CLCN1: variants seen among roughly 807,000 people sequenced by gnomAD.
CLCN1 encodes chloride voltage-gated channel 1.
In CLCN1, 100 loss-of-function variants were observed where a neutral mutation model predicts 114.5. The observed-to-expected ratio is 0.87, with a 90% CI of 0.74 to 1.03. The LOEUF is 1.03. Ranked by LOEUF, CLCN1 falls within the 50% of genes least tolerant of loss-of-function variation. The pLI is 0.00. For synonymous variants in CLCN1, 485 were observed against 487.1 expected (o/e 1.00, Z 0.06); for missense variants, 1,188 against 1,250.0 (o/e 0.95, Z 0.75).
intron 10 of CLCN1, 36 bp from the exon 11 acceptor site, chr7:143,332,383 G>A: frequency 2.0e-6 from 3 of 1,520,188 alleles, no homozygotes; most frequent in South Asian, 1.1e-5. Flanking sequence ...CTGTGAGTTG[G>A]CTGAATTGTG....
rs1194183048 is a variant in CLCN1, at chr7:143,319,811, C to T, written c.237C>T (p.Pro79=). Residue 79 remains proline, a synonymous_variant, in exon 2 of 23, where the codon CCC becomes CCT. Coordinates refer to ENST00000343257, the MANE Select transcript of CLCN1 (RefSeq NM_000083.3). ...FSDREQDIGM[P]KKTGSSSTVD... Reference sequence around the variant, plus strand: ...ACAGGGAGCAGGACATAGGGATGCCCAAGAAGACAGGCTCCAGTTCTACCG... The same window carrying T: ...ACAGGGAGCAGGACATAGGGATGCCTAAGAAGACAGGCTCCAGTTCTACCG... 1.2e-6 allele frequency: 2 copies of T among 1,613,500 alleles called. No individual in the cohort carries two copies. Among genetic ancestry groups the T allele is most frequent in the East Asian group, 4.5e-5 (2 of 44,904 alleles).
chr7:143,330,784 G>A lies in CLCN1; in HGVS notation c.866G>A (p.Ser289Asn), dbSNP rs1802700072. 1 of 1,614,152 alleles carries A rather than the reference G, an allele frequency of 6.2e-7. No individual in the cohort carries two copies. The highest frequency in any genetic ancestry group is 8.5e-7 in the Non-Finnish European group (1 of 1,180,026). Residue 289 changes from serine (S) to asparagine (N), a missense_variant, in exon 8 of 23, where the codon AGC becomes AAC. By Grantham distance (46) the Ser-to-Asn change is conservative. Coordinates refer to ENST00000343257, the MANE Select transcript of CLCN1 (RefSeq NM_000083.3). ...FGTPLGGVLF[S>N]IEVTSTYFAV... is the part of the protein sequence containing the mutation. Reference sequence around the variant, plus strand: ...TGTGCCCCTGCAGGAGTGCTATTTAGCATCGAGGTCACCTCCACCTACTTT... The same window carrying A: ...TGTGCCCCTGCAGGAGTGCTATTTAACATCGAGGTCACCTCCACCTACTTT...
chr7:143,330,441 T>C (rs1802691220), intron 7 of CLCN1, among the ~76,000 whole-genome samples: 1 of 152,124 alleles, frequency 6.6e-6, no homozygotes, highest in South Asian at 2.1e-4. Context: ...TCCCTGTGGG[T>C]ATCTGACAGT....
chr7:143,336,503 G>A (rs1206209719), intron 12 of CLCN1, among the ~76,000 whole-genome samples: 8 of 151,390 alleles, frequency 5.3e-5, no homozygotes, highest in African/African-American at 7.3e-5. Context: ...CCAGCTCCTC[G>A]GGAGGCTGAG....
At chr7:143,332,949 AG>A in intron 12 of CLCN1, 76 bp downstream of exon 12, 2 of 1,479,722 alleles carry the variant, frequency 1.4e-6, no homozygotes, top group South Asian at 2.3e-5. Flanking sequence ...TGCATAGGGT[AG>A]GAAGGGGTAG....
chr7:143,336,078 A>G (rs764725583), intron 12 of CLCN1, among the ~76,000 whole-genome samples: 12 of 152,210 alleles, frequency 7.9e-5, no homozygotes, highest in Non-Finnish European at 1.6e-4. Flanking sequence ...TATGAATACC[A>G]TTCCAAATTC....
intron 2 of CLCN1, 100 bp from the exon 3 acceptor site, chr7:143,320,563 CT>C: frequency 2.7e-6 from 2 of 734,942 alleles, no homozygotes; most frequent in South Asian, 1.5e-5. Flanking sequence ...TTCTCTCTCT[CT>C]CTCTCTCTCT....
Position 143,321,238 on chromosome 7 carries a change from G to A in CLCN1, c.434-127G>A. On this transcript the variant is annotated intron_variant, in intron 3 of 22. Coordinates refer to ENST00000343257, the MANE Select transcript of CLCN1 (RefSeq NM_000083.3). This position sits in a 1 kb window ranked among gnomAD's most constrained non-coding sequence, Gnocchi z 4.2. ...CAGGCTTCCCATGTGTCAAATGAGA[G>A]CAGCACCATCTCAGAAGGGGCACAC... 1.8e-6 allele frequency: 2 copies of A among 1,117,510 alleles called. No homozygotes were observed. Among genetic ancestry groups the A allele is most frequent in the Non-Finnish European group, 2.6e-6 (2 of 759,714 alleles). The allele number at this position is 1,117,510 out of a possible 1,614,324, so 69.2% of individuals were successfully genotyped here. A position where few individuals can be genotyped will look rare whatever the true frequency, so the allele number is the denominator to read the frequency against.
intron 12 of CLCN1, among the ~76,000 whole-genome samples, chr7:143,337,807 C>CT (rs869078445): frequency 2.2e-5 from 1 of 46,046 alleles, no homozygotes; most frequent in Non-Finnish European, 4.0e-5. Flanking sequence ...TTTCTCAATT[C>CT]TTTTTTTTTT....
At position 143,323,443 on chromosome 7, in the gene CLCN1, G is replaced by A. The variant is rs528554100; in HGVS notation, c.774+57G>A. 929 of 1,233,386 alleles carry A rather than the reference G, an allele frequency of 7.5e-4. 4 individuals are homozygous for A. Among genetic ancestry groups the A allele is most frequent in the Non-Finnish European group, 9.6e-5 (80 of 832,218 alleles). The allele number at this position is 1,233,386 out of a possible 1,614,324, so 76.4% of individuals were successfully genotyped here. On this transcript the variant is annotated intron_variant, in intron 6 of 22. Coordinates refer to ENST00000343257, the MANE Select transcript of CLCN1 (RefSeq NM_000083.3). ...CAGGTGGTAGAAGGAGTCCGGCTGT[G>A]TGTCCAGGGTGTTGGGAGGGCTGCC... is the stretch of plus-strand genomic sequence containing the variant.
intron 7 of CLCN1, among the ~76,000 whole-genome samples, chr7:143,327,999 G>T (rs542451809): frequency 2.0e-5 from 3 of 152,212 alleles, no homozygotes; most frequent in Non-Finnish European, 2.9e-5. Flanking sequence ...GAGGGATCTA[G>T]GCTAACACCC....
Position 143,339,301 on chromosome 7 carries a change from T to C in CLCN1, c.1450T>C (p.Phe484Leu), listed in dbSNP as rs1312002847. The C allele has an allele frequency of 6.2e-7, 1 of 1,613,224 alleles. No homozygotes were observed. The highest frequency in any genetic ancestry group is 2.2e-5 in the East Asian group (1 of 44,884). ...ATTMPIPCGG[F>L]MPVFVLGAAF... The stretch of plus-strand genomic sequence containing the variant: ...CACTATGCCCATACCCTGCGGAGGC[T>C]TCATGCCTGTGTTTGTGCTAGGTAA... Residue 484 changes from phenylalanine (F) to leucine (L), a missense_variant, in exon 13 of 23, where the codon TTC (phenylalanine) becomes CTC (leucine). Phe to Leu is a conservative substitution (Grantham distance 22, BLOSUM62 0). Coordinates refer to ENST00000343257, the MANE Select transcript of CLCN1 (RefSeq NM_000083.3). This position sits in a 1 kb window ranked among gnomAD's most constrained non-coding sequence, Gnocchi z 4.1.
At chr7:143,351,489 C>T in intron 22 of CLCN1, 105 bp from the exon 23 acceptor site, 1 of 1,291,672 alleles carries the variant, frequency 7.7e-7, no homozygotes, top group South Asian at 1.3e-5. Flanking sequence ...CTTTCCTGTT[C>T]TTTTTTCCTT....
chr7:143,340,348 T>C (rs889968828), intron 14 of CLCN1, among the ~76,000 whole-genome samples: 1 of 152,220 alleles, frequency 6.6e-6, no homozygotes, highest in Non-Finnish European at 1.5e-5. Flanking sequence ...CATGACTCCC[T>C]GGTACACATG....
chr7:143,324,243 AACTC>A lies in CLCN1; in HGVS notation c.775-167_775-164del, dbSNP rs1336910690. Among the ~76,000 whole-genome samples the A allele has an allele frequency of 1.3e-5, 2 of 151,932 alleles. No individual in the cohort carries two copies. Among genetic ancestry groups the A allele is most frequent in the African/African-American group, 4.8e-5 (2 of 41,388 alleles). On this transcript the variant is annotated intron_variant, in intron 6 of 22. Coordinates refer to ENST00000343257, the MANE Select transcript of CLCN1 (RefSeq NM_000083.3). This position sits in a 1 kb window ranked among gnomAD's most constrained non-coding sequence, Gnocchi z 4.6. ...CTATGAGGTTAATTCCTTTTTGCCAAACTCACTGAGTTTCTCTTGGCCTGGGAAT... is the reference window on the plus strand; with the variant it reads ...CTATGAGGTTAATTCCTTTTTGCCAAACTGAGTTTCTCTTGGCCTGGGAAT...
At position 143,331,115 on chromosome 7, in the gene CLCN1, A is replaced by C. The variant is rs1036073626; in HGVS notation, c.980-117A>C. The stretch of plus-strand genomic sequence containing the variant: ...CGTAGAAAAAAGGAAAATACATTCA[A>C]GAGGAGAAACTGGGATTGGAGGAAG... On this transcript the variant is annotated intron_variant, in intron 8 of 22. Coordinates refer to ENST00000343257, the MANE Select transcript of CLCN1 (RefSeq NM_000083.3). The C allele has an allele frequency of 1.4e-5, 14 of 1,036,994 alleles. 1 individual carries two copies. The highest frequency in any genetic ancestry group is 2.5e-5 in the South Asian group (2 of 78,532). The allele number at this position is 1,036,994 out of a possible 1,614,324, so 64.2% of individuals were successfully genotyped here. A position where few individuals can be genotyped will look rare whatever the true frequency, so the allele number is the denominator to read the frequency against.
Position 143,339,348 on chromosome 7 carries a change from TCTGA to T in CLCN1, c.1471+31_1471+34del. The T allele has an allele frequency of 6.4e-7, 1 of 1,573,948 alleles. No homozygotes were observed. The highest frequency in any genetic ancestry group is 8.7e-7 in the Non-Finnish European group (1 of 1,143,420). Reference sequence around the variant, plus strand: ...GTAAGTTCTGATGGGAAGCCTGGGGTCTGACTGAGAGTTGCAATCTAGGATACAG... The same window carrying T: ...GTAAGTTCTGATGGGAAGCCTGGGGTCTGAGAGTTGCAATCTAGGATACAG... On this transcript the variant is annotated intron_variant, in intron 13 of 22. Coordinates refer to ENST00000343257, the MANE Select transcript of CLCN1 (RefSeq NM_000083.3). The surrounding 1 kb of genome is among the most constrained non-coding windows in gnomAD (Gnocchi z 4.1).
intron 15 of CLCN1, 99 bp downstream of exon 15, chr7:143,342,241 T>G: frequency 6.7e-7 from 1 of 1,485,514 alleles, no homozygotes; most frequent in South Asian, 1.2e-5. Flanking sequence ...AAACACTGTT[T>G]TAAATTATTA....
chr7:143,349,356 C>T lies in CLCN1; in HGVS notation c.2404-1016C>T, dbSNP rs75323211. Among the ~76,000 whole-genome samples, 265 of 152,242 alleles carry T rather than the reference C, an allele frequency of 1.7e-3. 2 individuals are homozygous for T. The highest frequency in any genetic ancestry group is 6.0e-3 in the African/African-American group (250 of 41,546). The stretch of plus-strand genomic sequence containing the variant: ...AGGACAGGTGGAGTGAGCATCACTA[C>T]GGGCTACACACCAGATCCTAAACCT... On this transcript the variant is annotated intron_variant, in intron 20 of 22. Coordinates refer to ENST00000343257, the MANE Select transcript of CLCN1 (RefSeq NM_000083.3).
Sources: gnomAD v4.1 joint callset for allele counts (sites outside exome capture counted in the v4.1 genomes callset) on GRCh38, gnomAD v4.1.1 for gene constraint, Gnocchi (gnomAD v3.1) non-coding constraint, MANE v1.5 for transcripts, NCBI Gene and HGNC (gene_info 2026-07-23, HGNC 2026-07-21) for gene names.